The following CNNM3 variants were observed in gnomAD, a reference collection of about 807,000 sequenced individuals.
The protein encoded by CNNM3 is metal transporter CNNM3.
Under a neutral mutation model 57.1 loss-of-function variants are expected in CNNM3, and 47 were observed. The observed-to-expected ratio is 0.82, with a 90% CI of 0.65 to 1.05. The LOEUF (loss-of-function observed/expected upper bound fraction) is 1.05. CNNM3 is among the 50% of genes least tolerant of loss of function. CNNM3 has a pLI of 0.00. For missense variants in CNNM3, 957 were observed against 973.7 expected, an observed-to-expected ratio of 0.98 and a Z score of 0.23; for synonymous variants, 507 against 478.2, an observed-to-expected ratio of 1.06 and a Z score of -0.79.
At chr2:96,823,250 G>A (rs867063401) in intron 1 of CNNM3, among the ~76,000 whole-genome samples, 8 of 152,224 alleles carry the variant, frequency 5.3e-5, no homozygotes, top group African/African-American at 7.2e-5. Context: ...GCAAAGGAGT[G>A]AGTCCCTTTC....
intron 1 of CNNM3, among the ~76,000 whole-genome samples, chr2:96,818,785 G>C (rs2079364000): frequency 6.6e-6 from 1 of 152,234 alleles, no homozygotes; most frequent in Non-Finnish European, 1.5e-5. Flanking sequence ...CTGCACTCCT[G>C]TAGGGTGAGG....
chr2:96,816,458 A>G lies in CNNM3; in HGVS notation c.181A>G (p.Thr61Ala). The G allele has an allele frequency of 6.9e-7, 1 of 1,448,628 alleles. No homozygotes were observed. The highest frequency in any genetic ancestry group is 9.1e-7 in the Non-Finnish European group (1 of 1,101,112). The allele number at this position is 1,448,628 out of a possible 1,614,324, so 89.7% of individuals were successfully genotyped here. A position where few individuals can be genotyped will look rare whatever the true frequency, so the allele number is the denominator to read the frequency against. The change falls in exon 1 of 8, where the codon ACC (threonine) becomes GCC (alanine). Residue 61 changes from threonine (T) to alanine (A), a missense_variant. Thr to Ala is a moderately conservative substitution (Grantham distance 58). Transcript: ENST00000305510. ...GGAARDTPDA[T>A]FLLRLFGPGF... is the part of the protein sequence containing the mutation. Reference sequence around the variant, plus strand: ...GGCGGCGCGGGACACGCCGGACGCCACCTTCCTCCTGCGCCTCTTCGGCCC... The same window carrying G: ...GGCGGCGCGGGACACGCCGGACGCCGCCTTCCTCCTGCGCCTCTTCGGCCC...
rs1323670690 is a variant in CNNM3, at chr2:96,832,633, C to T, written c.*17C>T. 1.9e-6 allele frequency: 3 copies of T among 1,612,730 alleles called. No individual in the cohort carries two copies. Among genetic ancestry groups the T allele is most frequent in the Admixed American group, 3.3e-5 (2 of 60,022 alleles). Reference sequence around the variant, plus strand: ...GGCGTTTAACGGCTCACTAGGCAGCCCCAGATCTGGGGAACAGATGAGCAC... The same window carrying T: ...GGCGTTTAACGGCTCACTAGGCAGCTCCAGATCTGGGGAACAGATGAGCAC... On this transcript the variant is annotated 3_prime_UTR_variant, in exon 8 of 8. Transcript: ENST00000305510.
At chr2:96,825,680 A>C (rs2153354889) in intron 2 of CNNM3, among the ~76,000 whole-genome samples, 1 of 152,364 alleles carries the variant, frequency 6.6e-6, no homozygotes, top group Non-Finnish European at 1.5e-5. Context: ...AGGCAGGCAG[A>C]TCACGAGATC....
rs764783462 is a variant in CNNM3 at position 96,829,129 on chromosome 2, C to T, written c.2054C>T (p.Ala685Val). ...TRLLGEKTTT[A>V]AGSSHSRPGV... Reference sequence around the variant, plus strand: ...CTCCTTGGTGAGAAGACCACCACAGCGGCAGGTGAGTGCCAAGTGGTACAT... The same window carrying T: ...CTCCTTGGTGAGAAGACCACCACAGTGGCAGGTGAGTGCCAAGTGGTACAT... The change falls in exon 7 of 8, where the codon GCG becomes GTG. Residue 685 changes from alanine (A) to valine (V), a missense_variant. Ala to Val is a moderately conservative substitution (Grantham distance 64, BLOSUM62 0). This residue lies in a region of CNNM3 where 491 missense variants were observed against 570.6 expected (regional missense o/e 0.86). Coordinates refer to ENST00000305510, the MANE Select transcript of CNNM3 (RefSeq NM_017623.5). 8.1e-6 allele frequency: 13 copies of T among 1,613,632 alleles called. No homozygotes were observed. The East Asian group carries it at 1.1e-4, about 14-fold the overall frequency.
At chr2:96,817,549 T>C (rs764386574) in intron 1 of CNNM3, 47 bp downstream of exon 1, 2 of 1,549,236 alleles carry the variant, frequency 1.3e-6, no homozygotes, top group South Asian at 2.4e-5. Context: ...GAGTGCCCTC[T>C]CCCTGAAAAG....
Position 96,816,638 on chromosome 2 carries a change from G to T in CNNM3, c.361G>T (p.Val121Leu). ...GCACTCGGCGCTGCTGGCGGTGCGC[G>T]TGGAGCCGGGTGGCGGGGCGGCTGA... ...RPHSALLAVR[V>L]EPGGGAAEEA... is the part of the protein sequence containing the mutation. Residue 121 changes from valine to leucine, a missense_variant, in exon 1 of 8, where the codon GTG becomes TTG. Around this residue, in one of 2 missense-constraint regions of CNNM3, gnomAD observed 466 missense variants for 403.1 expected, o/e 1.16. Coordinates refer to ENST00000305510, the MANE Select transcript of CNNM3 (RefSeq NM_017623.5). 9 of 1,109,548 alleles carry T rather than the reference G, an allele frequency of 8.1e-6. No individual in the cohort carries two copies. Among genetic ancestry groups the T allele is most frequent in the South Asian group, 4.3e-5 (1 of 23,272 alleles). 68.7% of individuals were successfully genotyped at this position (1,109,548 alleles called of 1,614,324 possible).
intron 1 of CNNM3, among the ~76,000 whole-genome samples, chr2:96,818,690 T>TC (rs1378829747): frequency 6.6e-6 from 1 of 152,226 alleles, no homozygotes; most frequent in African/African-American, 2.4e-5. Context: ...TGTGGTTTCT[T>TC]CTGCAGTCCT....
In CNNM3 at chr2:96,827,716, T is replaced by A. The variant is rs756986436; in HGVS notation, c.1520-15T>A. The stretch of plus-strand genomic sequence containing the variant: ...GGCCCCAGTGGACACTGTCCCTTTT[T>A]TCCACCACGTGCAGAAGTGGATGTA... On this transcript the variant is annotated splice_polypyrimidine_tract_variant and intron_variant, in intron 3 of 7. Coordinates refer to ENST00000305510, the MANE Select transcript of CNNM3 (RefSeq NM_017623.5). 6.2e-7 allele frequency: 1 copy of A among 1,606,872 alleles called. No individual in the cohort carries two copies. The highest frequency in any genetic ancestry group is 8.5e-7 in the Non-Finnish European group (1 of 1,174,472).
In CNNM3 at chr2:96,817,042, G is replaced by C; in HGVS notation, c.765G>C (p.Ala255=). 7.3e-7 allele frequency: 1 copy of C among 1,369,840 alleles called. No individual in the cohort carries two copies. The highest frequency in any genetic ancestry group is 2.7e-4 in the Middle Eastern group (1 of 3,768). 84.9% of individuals were successfully genotyped at this position (1,369,840 alleles called of 1,614,324 possible). ...GGACGCTGGCGCTGGCGCCGCGAGC[G>C]CTCGGCCTCAGCCGCCTGGCCGTCC... ...GRWTLALAPR[A]LGLSRLAVLL... Residue 255 remains alanine, a synonymous_variant, in exon 1 of 8, where the codon GCG becomes GCC. Transcript: ENST00000305510.
At chr2:96,832,458 T>C in intron 7 of CNNM3, 94 bp from the exon 8 acceptor site, 2 of 1,587,704 alleles carry the variant, frequency 1.3e-6, no homozygotes, top group Non-Finnish European at 1.7e-6. Context: ...CTGTCTTAGC[T>C]GCCCCTTCCT....
chr2:96,832,215 A>G, intron 7 of CNNM3: 1 of 1,072,726 alleles, frequency 9.3e-7, no homozygotes, highest in Non-Finnish European at 1.1e-6. Context: ...TCTGGAAGAC[A>G]GGAGGGGTCA....
intron 1 of CNNM3, among the ~76,000 whole-genome samples, chr2:96,819,603 C>CT (rs36069142): frequency 6.6e-6 from 1 of 151,934 alleles, no homozygotes; most frequent in South Asian, 2.1e-4. Context: ...ACCAGACTTC[C>CT]TTTTTTTTAG....
At chr2:96,830,616 G>A (rs1271781015) in intron 7 of CNNM3, among the ~76,000 whole-genome samples, 1 of 152,268 alleles carries the variant, frequency 6.6e-6, no homozygotes, top group Non-Finnish European at 1.5e-5. Flanking sequence ...CAAAAAGGCA[G>A]CGGGTGAGGT....
Position 96,816,976 on chromosome 2 carries a change from C to T in CNNM3, c.699C>T (p.Phe233=), listed in dbSNP as rs1404437227. The change falls in exon 1 of 8, where the codon TTC becomes TTT. Residue 233 remains phenylalanine, a synonymous_variant. Transcript: ENST00000305510. Reference sequence around the variant, plus strand: ...TGTTGGGCAGCGCGGGGCTCGTGTTCCTGGTGGGAGAGGTGGTGCCGGCCG... The same window carrying T: ...TGTTGGGCAGCGCGGGGCTCGTGTTTCTGGTGGGAGAGGTGGTGCCGGCCG... ...PAVLGSAGLV[F]LVGEVVPAAV... is the part of the protein sequence containing the mutation. The T allele has an allele frequency of 1.3e-5, 17 of 1,354,160 alleles. No individual in the cohort carries two copies. The Admixed American group carries it at 5.1e-4, about 41-fold the overall frequency. The allele number at this position is 1,354,160 out of a possible 1,614,324, so 83.9% of individuals were successfully genotyped here. A position where few individuals can be genotyped will look rare whatever the true frequency, so the allele number is the denominator to read the frequency against.
intron 2 of CNNM3, among the ~76,000 whole-genome samples, 156 bp from the exon 3 acceptor site, chr2:96,826,677 G>A (rs1446166182): frequency 6.6e-6 from 1 of 152,144 alleles, no homozygotes; most frequent in Non-Finnish European, 1.5e-5. Flanking sequence ...CCCCGTGGAG[G>A]GAGCGGTGCT....
chr2:96,836,052 C>T (rs916465856), downstream of CNNM3, among the ~76,000 whole-genome samples: 19 of 150,502 alleles, frequency 1.3e-4, no homozygotes, highest in Non-Finnish European at 2.7e-4. Context: ...TTCCATTGGT[C>T]TGTAGCTTAT....
At chr2:96,828,067 G>T (rs768696883) in intron 4 of CNNM3, 32 bp from the exon 5 acceptor site, 9 of 1,596,820 alleles carry the variant, frequency 5.6e-6, no homozygotes, top group East Asian at 2.2e-5. Flanking sequence ...TAATCTGGCC[G>T]CATCTGTTTC....
At position 96,819,313 on chromosome 2, in the gene CNNM3, GT is replaced by G. The variant is rs1404487113; in HGVS notation, c.1225+1812del. Among the ~76,000 whole-genome samples, 6 of 152,258 alleles carry G rather than the reference GT, an allele frequency of 3.9e-5. 1 individual carries two copies. The highest frequency in any genetic ancestry group is 7.3e-5 in the Non-Finnish European group (5 of 68,046). On this transcript the variant is annotated intron_variant, in intron 1 of 7. Coordinates refer to ENST00000305510, the MANE Select transcript of CNNM3 (RefSeq NM_017623.5). ...ACATTGCAACCCTGGAATCAGCGGA[GT>G]AGGTTCCATCCTGCCCTTGCCTGCC...
Sources: allele counts gnomAD v4.1 joint callset (sites outside exome capture counted in the v4.1 genomes callset), GRCh38; gene constraint gnomAD v4.1.1; regional missense constraint gnomAD v4.1.1; transcripts MANE v1.5; gene names NCBI Gene and HGNC (gene_info 2026-07-23, HGNC 2026-07-21).